The following PRUNE2 variants were observed in gnomAD, a reference collection of about 807,000 sequenced individuals.
The protein encoded by PRUNE2 is protein prune homolog 2.
PRUNE2 carries 164 observed loss-of-function variants against 252.0 expected under a neutral mutation model. That is an observed-to-expected ratio of 0.65 (90% CI 0.57 to 0.74). PRUNE2 has a LOEUF of 0.74. Ranked by LOEUF, PRUNE2 falls within the 30% of genes least tolerant of loss-of-function variation. PRUNE2 has a pLI of 0.00. For missense variants in PRUNE2, 3,495 were observed against 3,711.0 expected (o/e 0.94, Z 1.51); for synonymous variants, 1,292 against 1,350.2 (o/e 0.96, Z 0.94).
chr9:76,831,914 G>A (rs1014598660), intron 4 of PRUNE2, among the ~76,000 whole-genome samples: 2 of 152,080 alleles, frequency 1.3e-5, no homozygotes, highest in Non-Finnish European at 2.9e-5. Flanking sequence ...AAGGTAAAAG[G>A]ATAGAAAAAC....
chr9:76,663,094 A>T (rs904124253), intron 9 of PRUNE2, among the ~76,000 whole-genome samples: 11 of 152,238 alleles, frequency 7.2e-5, no homozygotes, highest in Non-Finnish European at 1.6e-4. Flanking sequence ...TGTGAACCAC[A>T]GAGTACTTAT....
chr9:76,693,439 C>CTTTTTTTTTTTTTTTT (rs550030416), intron 9 of PRUNE2, among the ~76,000 whole-genome samples: 1 of 108,062 alleles, frequency 9.3e-6, no homozygotes, highest in Non-Finnish European at 1.8e-5. Flanking sequence ...AGCACCTACT[C>CTTTTTTTTTTTTTTTT]TTTTTTTTTT....
At chr9:76,767,071 C>G (rs919923982) in intron 6 of PRUNE2, among the ~76,000 whole-genome samples, 2 of 152,156 alleles carry the variant, frequency 1.3e-5, no homozygotes, top group Admixed American at 1.3e-4. Context: ...CTCCAACATA[C>G]TTACTGATGA....
intron 6 of PRUNE2, among the ~76,000 whole-genome samples, chr9:76,752,096 G>GT (rs2050665483): frequency 4.7e-5 from 1 of 21,440 alleles, no homozygotes; most frequent in Non-Finnish European, 7.7e-5. Flanking sequence ...TTTTTTTTTT[G>GT]GTTTTTTTTT....
At chr9:76,805,055 G>C (rs536385531) in intron 6 of PRUNE2, among the ~76,000 whole-genome samples, 5 of 152,264 alleles carry the variant, frequency 3.3e-5, no homozygotes, top group African/African-American at 1.2e-4. Flanking sequence ...GCATGATCTT[G>C]TGGGACATCT....
chr9:76,827,584 G>A (rs541793362), intron 4 of PRUNE2, among the ~76,000 whole-genome samples: 3 of 152,262 alleles, frequency 2.0e-5, no homozygotes, highest in South Asian at 2.1e-4. Flanking sequence ...AAGTACTACC[G>A]TCTCTGTTTC....
intron 6 of PRUNE2, chr9:76,739,124 CA>C (rs892920640): frequency 6.6e-5 from 10 of 152,130 alleles, no homozygotes; most frequent in African/African-American, 2.4e-4. Flanking sequence ...TCGTATATTC[CA>C]CTATTCTTAT....
chr9:76,721,757 C>A (rs1006392540), intron 6 of PRUNE2, among the ~76,000 whole-genome samples: 2 of 152,126 alleles, frequency 1.3e-5, no homozygotes, highest in Non-Finnish European at 2.9e-5. Flanking sequence ...CATTTACAGT[C>A]TGCATGGATT....
intron 6 of PRUNE2, among the ~76,000 whole-genome samples, chr9:76,750,965 A>C (rs1383080262): frequency 6.6e-6 from 1 of 152,202 alleles, no homozygotes; most frequent in Non-Finnish European, 1.5e-5. Flanking sequence ...TTATTTATTG[A>C]ACCAGACTAG....
chr9:76,627,488 C>CTATGT (rs1295547448), intron 16 of PRUNE2, among the ~76,000 whole-genome samples: 2 of 152,002 alleles, frequency 1.3e-5, no homozygotes, highest in Non-Finnish European at 1.5e-5. Context: ...CAGCCCAGAG[C>CTATGT]TATGAGGTAT....
intron 1 of PRUNE2, among the ~76,000 whole-genome samples, chr9:76,879,329 C>T (rs573768744): frequency 2.0e-5 from 3 of 152,144 alleles, no homozygotes; most frequent in South Asian, 2.1e-4. Flanking sequence ...CTGCACACCC[C>T]GATTTTGTTA....
At position 76,708,703 on chromosome 9, in the gene PRUNE2, C is replaced by T. The variant is rs1399787275; in HGVS notation, c.3571G>A (p.Ala1191Thr). 3 of 1,613,874 alleles carry T rather than the reference C, an allele frequency of 1.9e-6. No homozygotes were observed. Among genetic ancestry groups the T allele is most frequent in the Non-Finnish European group, 2.5e-6 (3 of 1,179,904 alleles). The change falls in exon 8 of 19, where the codon GCC (alanine) becomes ACC (threonine). Residue 1191 changes from alanine (A) to threonine (T), a missense_variant. Ala to Thr is a moderately conservative substitution (Grantham distance 58). Transcript: ENST00000376718. ...CTGTCCTTGGTATGCTCATCAGAGG[C>T]AGGGAGCTCCCAATCTACCTGATTT... ...EANQVDWELP[A>T]SDEHTKDSAP...
intron 3 of PRUNE2, among the ~76,000 whole-genome samples, chr9:76,848,243 GA>G (rs1199610255): frequency 2.0e-5 from 3 of 152,162 alleles, no homozygotes; most frequent in Non-Finnish European, 4.4e-5. Flanking sequence ...CAGCCTGGGT[GA>G]CAGAGCAAGA....
intron 12 of PRUNE2, among the ~76,000 whole-genome samples, chr9:76,640,667 ACAAAAATTG>A (rs1842207861): frequency 6.6e-6 from 1 of 152,214 alleles, no homozygotes; most frequent in East Asian, 1.9e-4. Context: ...ATATCTTAAT[ACAAAAATTG>A]CTTGTTACAA....
In PRUNE2 at chr9:76,636,570, A is replaced by G. The variant is rs1587956490; in HGVS notation, c.8964-13T>C. The G allele has an allele frequency of 7.0e-7, 1 of 1,430,846 alleles. No individual in the cohort carries two copies. The highest frequency in any genetic ancestry group is 9.6e-7 in the Non-Finnish European group (1 of 1,038,120). The allele number at this position is 1,430,846 out of a possible 1,614,324, so 88.6% of individuals were successfully genotyped here. A position where few individuals can be genotyped will look rare whatever the true frequency, so the allele number is the denominator to read the frequency against. ...ATTCTTCCTCAACCTATTTTGAAAA[A>G]AGAAAAAAAATACATTACTCTTAAC... On this transcript the variant is annotated splice_polypyrimidine_tract_variant and intron_variant, in intron 14 of 18. Coordinates refer to ENST00000376718, the MANE Select transcript of PRUNE2 (RefSeq NM_015225.3).
chr9:76,644,697 T>C (rs748942228), intron 12 of PRUNE2, 42 bp downstream of exon 12: 1 of 1,587,998 alleles, frequency 6.3e-7, no homozygotes, highest in Non-Finnish European at 8.6e-7. Context: ...ATAAAATGGC[T>C]GCCCCTTCCC....
intron 9 of PRUNE2, among the ~76,000 whole-genome samples, chr9:76,670,780 C>T (rs1219562591): frequency 1.3e-5 from 2 of 151,396 alleles, no homozygotes; most frequent in South Asian, 2.1e-4. Context: ...AGGCACCCCC[C>T]AGCAGGGGCA....
chr9:76,750,942 T>C (rs145527264), intron 6 of PRUNE2, among the ~76,000 whole-genome samples: 66 of 152,260 alleles, frequency 4.3e-4, no homozygotes, highest in African/African-American at 1.1e-3. Context: ...GCAAAAGGCA[T>C]GGGAATTCAC....
intron 6 of PRUNE2, among the ~76,000 whole-genome samples, chr9:76,787,730 A>G (rs890811225): frequency 1.3e-5 from 2 of 152,110 alleles, no homozygotes; most frequent in Non-Finnish European, 2.9e-5. Context: ...AGCAGCTTCA[A>G]CCTGGCCTGT....
Sources: allele counts gnomAD v4.1 joint callset (sites outside exome capture counted in the v4.1 genomes callset), GRCh38; gene constraint gnomAD v4.1.1; transcripts MANE v1.5; gene names NCBI Gene and HGNC (gene_info 2026-07-23, HGNC 2026-07-21).